TRIM4: variants seen among roughly 807,000 people sequenced by gnomAD.
TRIM4 encodes the protein E3 ubiquitin-protein ligase TRIM4.
In TRIM4, 29 loss-of-function variants were observed where a neutral mutation model predicts 33.7. The ratio of observed to expected loss-of-function variants is 0.86; its 90% CI spans 0.64 to 1.17. TRIM4 has a LOEUF of 1.17. TRIM4 is among the 50% of genes most tolerant of loss of function. TRIM4 has a pLI of 0.00. For missense variants in TRIM4, 554 were observed against 593.7 expected, an observed-to-expected ratio of 0.93 and a Z score of 0.69; for synonymous variants, 224 against 233.0, an observed-to-expected ratio of 0.96 and a Z score of 0.35.
In TRIM4 at chr7:99,919,067, G is replaced by C. The variant is rs773198656; in HGVS notation, c.335C>G (p.Ser112Cys). The change falls in exon 1 of 6, where the codon TCC becomes TGC. Residue 112 changes from serine to cysteine, a missense_variant. By Grantham distance (112) the Ser-to-Cys change is moderately radical. This residue lies in a region of TRIM4 where 233 missense variants were observed against 203.1 expected (regional missense o/e 1.15). Transcript: ENST00000349062. ...CATGGCGTGAGTCTGGTGCTCCTGG[G>C]ACTCCCTGCACACCAGGCACACTGG... Reference protein sequence around the residue: ...QRPVCLVCRESQEHQTHAMAP... With the variant: ...QRPVCLVCRECQEHQTHAMAP... 24 of 1,574,352 alleles carry C rather than the reference G, an allele frequency of 1.5e-5. 1 individual carries two copies. In the South Asian group the frequency reaches 2.6e-4, roughly 17 times the overall value.
At chr7:99,898,482 C>T (rs537810336) in intron 5 of TRIM4, among the ~76,000 whole-genome samples, 8 of 152,330 alleles carry the variant, frequency 5.3e-5, no homozygotes, top group South Asian at 2.1e-4. Flanking sequence ...TACAGGTAGA[C>T]GGCAACCACA....
rs914256258 is a variant in TRIM4, at chr7:99,903,569, T to C, written c.743+7A>G. 3.1e-6 allele frequency: 5 copies of C among 1,614,064 alleles called. No individual in the cohort carries two copies. Among genetic ancestry groups the C allele is most frequent in the Non-Finnish European group, 4.2e-6 (5 of 1,180,014 alleles). ...CCAGGTCCCCATAAGAGAACAGGAGTGCATACCTGGTCAACACTTCTTTTG... is the reference window on the plus strand; with the variant it reads ...CCAGGTCCCCATAAGAGAACAGGAGCGCATACCTGGTCAACACTTCTTTTG... On this transcript the variant is annotated splice_region_variant and intron_variant, in intron 4 of 5. Coordinates refer to ENST00000349062, the MANE Select transcript of TRIM4 (RefSeq NM_033091.3).
intron 1 of TRIM4, among the ~76,000 whole-genome samples, chr7:99,915,237 TAC>T (rs1441931784): frequency 2.0e-5 from 3 of 152,246 alleles, no homozygotes; most frequent in Non-Finnish European, 4.4e-5. Flanking sequence ...GGAAAGCCTT[TAC>T]CTGTCTTGTT....
At chr7:99,915,491 G>A (rs1819535009) in intron 1 of TRIM4, among the ~76,000 whole-genome samples, 1 of 152,126 alleles carries the variant, frequency 6.6e-6, no homozygotes, top group South Asian at 2.1e-4. Flanking sequence ...ACGGGTATAG[G>A]ATGGGGATAT....
intron 1 of TRIM4, among the ~76,000 whole-genome samples, chr7:99,913,606 G>A (rs1020175697): frequency 6.6e-6 from 1 of 152,124 alleles, no homozygotes; most frequent in African/African-American, 2.4e-5. Flanking sequence ...GGGAGGTGGA[G>A]GTTGCAGTGA....
At chr7:99,904,951 G>T (rs1051550429) in intron 3 of TRIM4, among the ~76,000 whole-genome samples, 18 of 152,014 alleles carry the variant, frequency 1.2e-4, no homozygotes, top group Admixed American at 1.0e-3. Context: ...AGAAATGCTT[G>T]AACCTGGGGG....
intron 1 of TRIM4, chr7:99,917,827 GT>G: frequency 1.0e-6 from 1 of 985,266 alleles, no homozygotes; most frequent in Non-Finnish European, 1.2e-6. Context: ...ATGGGAGGGG[GT>G]GGGGCTACTC....
In TRIM4 at chr7:99,910,687, G is replaced by T. The variant is rs1819420171; in HGVS notation, c.394-1027C>A. Among the ~76,000 whole-genome samples the T allele has an allele frequency of 2.0e-5, 3 of 152,348 alleles. No homozygotes were observed. The South Asian group carries it at 6.2e-4, about 32-fold the overall frequency. On this transcript the variant is annotated intron_variant, in intron 1 of 5. Transcript: ENST00000349062. ...AAAAGAATGGCTTACGAATTTGGAGGTGGGGTACTAGAAATTTTATGCATT... is the reference window on the plus strand; with the variant it reads ...AAAAGAATGGCTTACGAATTTGGAGTTGGGGTACTAGAAATTTTATGCATT...
At chr7:99,902,660 T>G (rs1819202798) in intron 5 of TRIM4, among the ~76,000 whole-genome samples, 1 of 152,066 alleles carries the variant, frequency 6.6e-6, no homozygotes, top group South Asian at 2.1e-4. Flanking sequence ...TTTCAGTCTG[T>G]CCTACACTCT....
At chr7:99,900,901 G>A (rs527492074) in intron 5 of TRIM4, among the ~76,000 whole-genome samples, 3 of 128,860 alleles carry the variant, frequency 2.3e-5, no homozygotes, top group Non-Finnish European at 5.4e-5. Flanking sequence ...AAGTTATGAT[G>A]AGCCTTGGCA....
chr7:99,902,608 T>C (rs1331835870), intron 5 of TRIM4, among the ~76,000 whole-genome samples: 2 of 152,172 alleles, frequency 1.3e-5, no homozygotes, highest in Non-Finnish European at 1.5e-5. Context: ...TTCTAGAGCA[T>C]GTACCTGCCT....
intron 5 of TRIM4, chr7:99,901,920 C>A (rs1584264784): frequency 3.4e-6 from 2 of 593,962 alleles, no homozygotes. Flanking sequence ...ACTTTGCGAA[C>A]TCTCACTACT....
chr7:99,898,450 A>G (rs1288168244), intron 5 of TRIM4, among the ~76,000 whole-genome samples: 2 of 152,230 alleles, frequency 1.3e-5, no homozygotes. Context: ...GTAGGGGCCC[A>G]TGCCCTCCCC....
At chr7:99,917,948 T>C (rs1819593608) in intron 1 of TRIM4, 2 of 648,820 alleles carry the variant, frequency 3.1e-6, no homozygotes, top group Non-Finnish European at 3.8e-6. Flanking sequence ...AAAGCCAGTA[T>C]GGCTGAAGCA....
At chr7:99,909,724 TTTTTG>T in intron 1 of TRIM4, 64 bp from the exon 2 acceptor site, 3 of 1,116,172 alleles carry the variant, frequency 2.7e-6, no homozygotes, top group East Asian at 2.5e-5. Flanking sequence ...TTCTTTTTTC[TTTTTG>T]TTTTTTTTTT....
chr7:99,898,837 G>A (rs1819085542), intron 5 of TRIM4, among the ~76,000 whole-genome samples: 1 of 152,050 alleles, frequency 6.6e-6, no homozygotes, highest in Admixed American at 6.5e-5. Context: ...TTATAACCGG[G>A]GTTATGTGAA....
At chr7:99,910,377 G>A (rs536183163) in intron 1 of TRIM4, among the ~76,000 whole-genome samples, 1 of 151,936 alleles carries the variant, frequency 6.6e-6, no homozygotes, top group East Asian at 1.9e-4. Context: ...GTAAAGAAAT[G>A]GTCACTATAG....
chr7:99,910,376 T>C (rs1319612475), intron 1 of TRIM4, among the ~76,000 whole-genome samples: 1 of 152,128 alleles, frequency 6.6e-6, no homozygotes, highest in East Asian at 1.9e-4. Context: ...TGTAAAGAAA[T>C]GGTCACTATA....
chr7:99,919,254 G>C lies in TRIM4; in HGVS notation c.148C>G (p.Pro50Ala). Residue 50 changes from proline to alanine, a missense_variant, in exon 1 of 6, where the codon CCC becomes GCC. Transcript: ENST00000349062. ...GGCGCCGATGGGTGCCGACATTCGG[G>C]GCAGGGGAACGGGCCGCCGCCCGGC... Reference protein sequence around the residue: ...WAPGGGPFPCPECRHPSAPAA... With the variant: ...WAPGGGPFPCAECRHPSAPAA... 1 of 1,543,490 alleles carries C rather than the reference G, an allele frequency of 6.5e-7. No individual in the cohort carries two copies. The highest frequency in any genetic ancestry group is 8.7e-7 in the Non-Finnish European group (1 of 1,144,338).
Sources: gnomAD v4.1 joint callset for allele counts (sites outside exome capture counted in the v4.1 genomes callset) on GRCh38, gnomAD v4.1.1 for gene constraint, gnomAD v4.1.1 regional missense constraint, MANE v1.5 for transcripts, NCBI Gene and HGNC (gene_info 2026-07-23, HGNC 2026-07-21) for gene names.